Variants in GP2 observed in about 807,000 individuals in gnomAD.
The protein encoded by GP2 is pancreatic secretory granule membrane major glycoprotein GP2.
In GP2, 58 loss-of-function variants were observed where a neutral mutation model predicts 60.8. The observed-to-expected ratio is 0.95, with a 90% CI of 0.77 to 1.19. The LOEUF (loss-of-function observed/expected upper bound fraction) is 1.19. Ranked by LOEUF, GP2 falls within the 50% of genes most tolerant of loss-of-function variation. The probability of loss-of-function intolerance (pLI) is 0.00; values close to 1 mark genes in which losing one functional copy is unlikely to be tolerated. For synonymous variants in GP2, 280 were observed against 253.4 expected, an observed-to-expected ratio of 1.10 and a Z score of -1.00; for missense variants, 647 against 667.4, an observed-to-expected ratio of 0.97 and a Z score of 0.34.
At chr16:20,318,140 TA>T in intron 7 of GP2, 44 bp downstream of exon 7, 1 of 1,551,842 alleles carries the variant, frequency 6.4e-7, no homozygotes, top group Non-Finnish European at 8.9e-7. Flanking sequence ...CACTTTCCTG[TA>T]AACGTTAGTA....
intron 4 of GP2, 56 bp from the exon 5 acceptor site, chr16:20,320,529 C>A (rs1196023162): frequency 2.6e-6 from 3 of 1,164,684 alleles, no homozygotes; most frequent in South Asian, 1.3e-5. Flanking sequence ...AGCCCACTTT[C>A]CCTACTCTTT....
intron 10 of GP2, among the ~76,000 whole-genome samples, chr16:20,312,901 T>C (rs886219450): frequency 7.2e-5 from 11 of 152,120 alleles, no homozygotes; most frequent in African/African-American, 2.4e-4. Context: ...CTGCCTGTCT[T>C]GGCCTCCCAA....
At chr16:20,313,253 G>GTC (rs921761984) in intron 10 of GP2, among the ~76,000 whole-genome samples, 1 of 68,900 alleles carries the variant, frequency 1.5e-5, no homozygotes, top group Non-Finnish European at 6.0e-5. Context: ...CTCTCTCTCT[G>GTC]TCTCTCTGTC....
At position 20,318,293 on chromosome 16, in the gene GP2, A is replaced by G; in HGVS notation, c.1145T>C (p.Ile382Thr). 1 of 1,613,570 alleles carries G rather than the reference A, an allele frequency of 6.2e-7. No homozygotes were observed. Among genetic ancestry groups the G allele is most frequent in the Non-Finnish European group, 8.5e-7 (1 of 1,179,434 alleles). The stretch of plus-strand genomic sequence containing the variant: ...CCGGGAGGTGTCCCCTTGTTCCAAG[A>G]TGGCACCCACATACAGCACGGACTC... ...SVESVLYVGA[I>T]LEQGDTSRFN... Residue 382 changes from isoleucine to threonine, a missense_variant, in exon 7 of 11, where the codon ATC becomes ACC. Transcript: ENST00000302555.
At chr16:20,320,512 G>A in intron 4 of GP2, 39 bp from the exon 5 acceptor site, 1 of 1,375,714 alleles carries the variant, frequency 7.3e-7, no homozygotes. Context: ...ATGGACATGA[G>A]TCTGGAAGCC....
intron 7 of GP2, 76 bp downstream of exon 7, chr16:20,318,109 G>T: frequency 8.4e-7 from 1 of 1,196,822 alleles, no homozygotes; most frequent in Non-Finnish European, 1.2e-6. Flanking sequence ...TTACACGTCT[G>T]CTGGGGATGG....
intron 1 of GP2, chr16:20,326,769 A>G (rs560718019): frequency 4.5e-6 from 1 of 222,734 alleles, no homozygotes; most frequent in South Asian, 8.4e-5. Flanking sequence ...ACCTGCACAC[A>G]AAAGTAATGG....
Position 20,311,221 on chromosome 16 carries a change from T to G in GP2, c.*2A>C, listed in dbSNP as rs746606123. The G allele has an allele frequency of 3.7e-6, 6 of 1,602,076 alleles. No individual in the cohort carries two copies. Among genetic ancestry groups the G allele is most frequent in the Non-Finnish European group, 4.3e-6 (5 of 1,169,302 alleles). ...TTCAAGGCCAGATGCTCAGCGGAGC[T>G]CTCAGAACAGCCAAGCCAGGAGGAC... is the stretch of plus-strand genomic sequence containing the variant. On this transcript the variant is annotated 3_prime_UTR_variant, in exon 11 of 11. Coordinates refer to ENST00000302555, the MANE Select transcript of GP2 (RefSeq NM_001502.4).
chr16:20,326,368 T>C lies in GP2; in HGVS notation c.64A>G (p.Ile22Val). 1 of 1,613,914 alleles carries C rather than the reference T, an allele frequency of 6.2e-7. No individual in the cohort carries two copies. The highest frequency in any genetic ancestry group is 8.5e-7 in the Non-Finnish European group (1 of 1,179,788). Reference protein sequence around the residue: ...GLLWLALVSCILTQASAVQRG... With the variant: ...GLLWLALVSCVLTQASAVQRG... Reference sequence around the variant, plus strand: ...TGCACTGCAGATGCCTGGGTCAGAATGCAGGAGACCAAGGCCAGCCACAGG... The same window carrying C: ...TGCACTGCAGATGCCTGGGTCAGAACGCAGGAGACCAAGGCCAGCCACAGG... Residue 22 changes from isoleucine to valine, a missense_variant, in exon 2 of 11, where the codon ATT (isoleucine) becomes GTT (valine). Coordinates refer to ENST00000302555, the MANE Select transcript of GP2 (RefSeq NM_001502.4).
In GP2 at chr16:20,314,645, A is replaced by G. The variant is rs752148787; in HGVS notation, c.1546+12T>C. On this transcript the variant is annotated intron_variant, in intron 10 of 10. Coordinates refer to ENST00000302555, the MANE Select transcript of GP2 (RefSeq NM_001502.4). ...GGGAAAGCTGTGGGAAAGGCATGAG[A>G]AAATGATGTACCTGCAGTGCTAGGG... 4 of 1,571,766 alleles carry G rather than the reference A, an allele frequency of 2.5e-6. No individual in the cohort carries two copies. The highest frequency in any genetic ancestry group is 1.7e-4 in the Middle Eastern group (1 of 6,006).
chr16:20,321,590 C>T (rs1221237107), intron 4 of GP2, among the ~76,000 whole-genome samples: 2 of 152,112 alleles, frequency 1.3e-5, no homozygotes, highest in East Asian at 1.9e-4. Context: ...AAATTTGAAA[C>T]GTGGGTAGGA....
chr16:20,311,050 C>A lies in GP2; in HGVS notation c.*173G>T, dbSNP rs1963980085. On this transcript the variant is annotated 3_prime_UTR_variant, in exon 11 of 11. Coordinates refer to ENST00000302555, the MANE Select transcript of GP2 (RefSeq NM_001502.4). ...GGGATTACAGGCATGAGCCACTGCGCCCAGCCGAGAGTTTTAAAGAAGGTG... is the reference window on the plus strand; with the variant it reads ...GGGATTACAGGCATGAGCCACTGCGACCAGCCGAGAGTTTTAAAGAAGGTG... The A allele has an allele frequency of 3.8e-6, 2 of 522,412 alleles. No individual in the cohort carries two copies. The highest frequency in any genetic ancestry group is 7.1e-6 in the Non-Finnish European group (2 of 282,608). 32.4% of individuals were successfully genotyped at this position (522,412 alleles called of 1,614,324 possible). A position where few individuals can be genotyped will look rare whatever the true frequency, so the allele number is the denominator to read the frequency against.
intron 10 of GP2, among the ~76,000 whole-genome samples, chr16:20,313,452 T>G (rs938607991): frequency 3.3e-5 from 5 of 152,224 alleles, no homozygotes; most frequent in African/African-American, 1.2e-4. Flanking sequence ...TTGCTTGTCA[T>G]TTATTTGCTC....
At position 20,326,153 on chromosome 16, in the gene GP2, C is replaced by A. The variant is rs577966955; in HGVS notation, c.94+185G>T. 5.0e-6 allele frequency: 3 copies of A among 595,272 alleles called. No individual in the cohort carries two copies. In the African/African-American group the frequency reaches 5.6e-5, roughly 11 times the overall value. 36.9% of individuals were successfully genotyped at this position (595,272 alleles called of 1,614,324 possible). A position where few individuals can be genotyped will look rare whatever the true frequency, so the allele number is the denominator to read the frequency against. ...CCTTTCAGAGGAATTTCTGATTAGGCTCTTTGAGAGATTGTGACTTGATTT... is the reference window on the plus strand; with the variant it reads ...CCTTTCAGAGGAATTTCTGATTAGGATCTTTGAGAGATTGTGACTTGATTT... On this transcript the variant is annotated intron_variant, in intron 2 of 10. Coordinates refer to ENST00000302555, the MANE Select transcript of GP2 (RefSeq NM_001502.4).
rs72776648 is a variant in GP2 at position 20,319,614 on chromosome 16, C to T, written c.1007+6G>A. The T allele has an allele frequency of 4.4e-4, 710 of 1,606,904 alleles. 1 individual carries two copies. The highest frequency in any genetic ancestry group is 1.8e-3 in the Admixed American group (106 of 60,000). ...ATGGGTCAAAGGGCAAGGGTCAATGCCATACCTTACAATGGGCTGCAAGGC... is the reference window on the plus strand; with the variant it reads ...ATGGGTCAAAGGGCAAGGGTCAATGTCATACCTTACAATGGGCTGCAAGGC... On this transcript the variant is annotated splice_donor_region_variant and intron_variant, in intron 6 of 10. Transcript: ENST00000302555.
intron 4 of GP2, 51 bp from the exon 5 acceptor site, chr16:20,320,524 A>C (rs895490627): frequency 8.5e-7 from 1 of 1,177,560 alleles, no homozygotes; most frequent in Non-Finnish European, 1.3e-6. Context: ...CTGGAAGCCC[A>C]CTTTCCCTAC....
chr16:20,324,088 T>A lies in GP2; in HGVS notation c.263A>T (p.Asn88Ile). Residue 88 changes from asparagine to isoleucine, a missense_variant, in exon 3 of 11, where the codon AAC (asparagine) becomes ATC (isoleucine). Coordinates refer to ENST00000302555, the MANE Select transcript of GP2 (RefSeq NM_001502.4). The stretch of plus-strand genomic sequence containing the variant: ...TACAAAGCGGTACCAGCCGCTCATG[T>A]TTTTATCGCACCCCTGGGACCCTGC... ...NSAGSQGCDK[N>I]MSGWYRFVGE... 3 of 1,614,054 alleles carry A rather than the reference T, an allele frequency of 1.9e-6. No homozygotes were observed. Among genetic ancestry groups the A allele is most frequent in the Non-Finnish European group, 2.5e-6 (3 of 1,179,938 alleles).
In GP2 at chr16:20,311,049, GC is replaced by G; in HGVS notation, c.*173del. 1 of 508,360 alleles carries G rather than the reference GC, an allele frequency of 2.0e-6. No individual in the cohort carries two copies. The highest frequency in any genetic ancestry group is 3.6e-6 in the Non-Finnish European group (1 of 274,070). 31.5% of individuals were successfully genotyped at this position (508,360 alleles called of 1,614,324 possible). A position where few individuals can be genotyped will look rare whatever the true frequency, so the allele number is the denominator to read the frequency against. On this transcript the variant is annotated 3_prime_UTR_variant, in exon 11 of 11. Transcript: ENST00000302555. ...TGGGATTACAGGCATGAGCCACTGC[GC>G]CCAGCCGAGAGTTTTAAAGAAGGTG...
chr16:20,320,336 A>G lies in GP2; in HGVS notation c.784T>C (p.Leu262=). Residue 262 remains leucine, a synonymous_variant, in exon 5 of 11, where the codon TTG becomes CTG. Coordinates refer to ENST00000302555, the MANE Select transcript of GP2 (RefSeq NM_001502.4). ...ACCCAGTTCCTCTCCTCTGTCTGCA[A>G]GATGCTGCTGCAGTTTGGGTCTCGC... The part of the protein sequence containing the change: ...YLRDPNCSSI[L]QTEERNWVSV... The G allele has an allele frequency of 6.2e-7, 1 of 1,614,154 alleles. No homozygotes were observed. The highest frequency in any genetic ancestry group is 1.1e-5 in the South Asian group (1 of 91,088).
Sources: allele counts gnomAD v4.1 joint callset (sites outside exome capture counted in the v4.1 genomes callset), GRCh38; gene constraint gnomAD v4.1.1; transcripts MANE v1.5; gene names NCBI Gene and HGNC (gene_info 2026-07-23, HGNC 2026-07-21).